The following SEMA6D variants were observed in gnomAD, a reference collection of about 807,000 sequenced individuals.
SEMA6D encodes semaphorin 6D.
A neutral mutation model predicts 106.6 loss-of-function variants in SEMA6D; 35 were observed. That is an observed-to-expected ratio of 0.33 (90% CI 0.25 to 0.44). The LOEUF is 0.44. Among genes scored for constraint, SEMA6D ranks in the 20% least tolerant of loss-of-function variants. The pLI is 1.00. For missense variants in SEMA6D, 1,185 were observed against 1,345.9 expected (o/e 0.88, Z 1.87); for synonymous variants, 499 against 487.7 (o/e 1.02, Z -0.31).
intron 2 of SEMA6D, among the ~76,000 whole-genome samples, chr15:47,415,208 T>TATACAACAA (rs2040923970): frequency 1.3e-5 from 2 of 152,194 alleles, no homozygotes; most frequent in East Asian, 3.9e-4. Context: ...CTTATTAAAT[T>TATACAACAA]ATGATAACAA....
intron 2 of SEMA6D, among the ~76,000 whole-genome samples, chr15:47,428,271 T>C (rs1158612233): frequency 1.3e-5 from 2 of 152,094 alleles, no homozygotes; most frequent in Non-Finnish European, 2.9e-5. Flanking sequence ...AAAAGAATAA[T>C]GAGTTTATGT....
intron 1 of SEMA6D, among the ~76,000 whole-genome samples, chr15:47,197,170 T>G (rs1894417582): frequency 6.6e-6 from 1 of 152,304 alleles, no homozygotes; most frequent in South Asian, 2.1e-4. Flanking sequence ...CAAGAACAGT[T>G]GTTCTTCCCT....
intron 3 of SEMA6D, among the ~76,000 whole-genome samples, chr15:47,592,549 G>A (rs963276209): frequency 4.6e-5 from 7 of 152,144 alleles, no homozygotes; most frequent in Admixed American, 3.9e-4. Flanking sequence ...TGATCATGGC[G>A]TGAGTTTCTG....
intron 4 of SEMA6D, among the ~76,000 whole-genome samples, chr15:47,683,412 A>G (rs548834159): frequency 6.6e-6 from 1 of 152,202 alleles, no homozygotes; most frequent in Non-Finnish European, 1.5e-5. Flanking sequence ...ATGTCTGCAC[A>G]TATTTTTATG....
At chr15:47,277,136 T>A (rs1214251520) in intron 1 of SEMA6D, among the ~76,000 whole-genome samples, 1 of 152,150 alleles carries the variant, frequency 6.6e-6, no homozygotes, top group African/African-American at 2.4e-5. Flanking sequence ...GAGTTGCTTC[T>A]TATGGGTGAG....
chr15:47,322,247 G>A (rs992571108), intron 1 of SEMA6D, among the ~76,000 whole-genome samples: 2 of 151,004 alleles, frequency 1.3e-5, no homozygotes, highest in African/African-American at 4.9e-5. Flanking sequence ...TACTATTAAC[G>A]AAACTTCATA....
chr15:47,496,688 C>T (rs529501986), intron 3 of SEMA6D, among the ~76,000 whole-genome samples: 11 of 152,014 alleles, frequency 7.2e-5, no homozygotes, highest in Middle Eastern at 3.4e-3. Context: ...TTCATTTTCC[C>T]GGTTTGTTAT....
At chr15:47,267,253 T>G (rs1283698090) in intron 1 of SEMA6D, among the ~76,000 whole-genome samples, 1 of 152,140 alleles carries the variant, frequency 6.6e-6, no homozygotes, top group Non-Finnish European at 1.5e-5. Flanking sequence ...TTTAAAACTT[T>G]GTAGATCTGT....
chr15:47,457,070 A>C (rs905536499), intron 2 of SEMA6D, among the ~76,000 whole-genome samples: 133 of 152,084 alleles, frequency 8.7e-4, no homozygotes, highest in African/African-American at 3.1e-3. Flanking sequence ...AGAGTGGAAA[A>C]ACTTTGCATT....
rs56185341 is a variant in SEMA6D at position 47,304,433 on chromosome 15, T to TAAAAAAAAAAAAAAAAAAAAAAAAAAA, written c.-238-107950_-238-107924dup. On this transcript the variant is annotated intron_variant, in intron 1 of 19. Transcript: ENST00000558014. ...TGCACTCCAGCCTGAGCCTTCTAAC[T>TAAAAAAAAAAAAAAAAAAAAAAAAAAA]AAAAAAAAAAAAAAAAAAAAAAAAA... Among the ~76,000 whole-genome samples, 2 of 93,870 alleles carry TAAAAAAAAAAAAAAAAAAAAAAAAAAA rather than the reference T, an allele frequency of 2.1e-5. 1 individual carries two copies. Among genetic ancestry groups the TAAAAAAAAAAAAAAAAAAAAAAAAAAA allele is most frequent in the African/African-American group, 1.2e-4 (2 of 16,328 alleles). 61.6% of individuals were successfully genotyped at this position (93,870 alleles called of 152,430 possible).
intron 2 of SEMA6D, among the ~76,000 whole-genome samples, chr15:47,452,328 A>C (rs2042218797): frequency 6.6e-6 from 1 of 151,938 alleles, no homozygotes; most frequent in Admixed American, 6.6e-5. Flanking sequence ...ACCAAAAAAA[A>C]AAAAAAACTG....
chr15:47,661,815 A>T (rs1186607524), intron 4 of SEMA6D, among the ~76,000 whole-genome samples: 5 of 152,198 alleles, frequency 3.3e-5, no homozygotes, highest in Admixed American at 1.3e-4. Flanking sequence ...AAGGAAGCAA[A>T]TGTTTTAAAA....
chr15:47,418,070 A>G (rs2041035389), intron 2 of SEMA6D, among the ~76,000 whole-genome samples: 1 of 152,114 alleles, frequency 6.6e-6, no homozygotes, highest in Non-Finnish European at 1.5e-5. Context: ...AAGAAAAAAG[A>G]GGAGATATGA....
chr15:47,635,362 G>A (rs552462118), intron 4 of SEMA6D, among the ~76,000 whole-genome samples: 2 of 152,252 alleles, frequency 1.3e-5, no homozygotes, highest in South Asian at 4.1e-4. Flanking sequence ...GTCTCTTAGG[G>A]TGTACTGGCA....
chr15:47,467,789 C>G (rs1567100442), intron 2 of SEMA6D, among the ~76,000 whole-genome samples: 1 of 152,096 alleles, frequency 6.6e-6, no homozygotes, highest in East Asian at 1.9e-4. Context: ...AAGACCTACA[C>G]CGGCAGCATC....
chr15:47,585,262 C>T (rs1204832949), intron 3 of SEMA6D, among the ~76,000 whole-genome samples: 2 of 152,178 alleles, frequency 1.3e-5, no homozygotes, highest in Non-Finnish European at 2.9e-5. Context: ...CTTTCCTAAG[C>T]ATTTTGCTTC....
At chr15:47,390,110 T>C (rs1736153798) in intron 1 of SEMA6D, among the ~76,000 whole-genome samples, 1 of 152,172 alleles carries the variant, frequency 6.6e-6, no homozygotes, top group South Asian at 2.1e-4. Flanking sequence ...TTTAATCTTA[T>C]TTAAGAATCT....
intron 2 of SEMA6D, among the ~76,000 whole-genome samples, chr15:47,470,141 C>T (rs985133628): frequency 6.6e-6 from 1 of 152,138 alleles, no homozygotes; most frequent in Non-Finnish European, 1.5e-5. Flanking sequence ...TTCCCATGAA[C>T]TAATTGTAAT....
At chr15:47,630,810 G>A (rs919685661) in intron 4 of SEMA6D, among the ~76,000 whole-genome samples, 2 of 151,652 alleles carry the variant, frequency 1.3e-5, no homozygotes, top group East Asian at 3.9e-4. Context: ...TCATACATTG[G>A]TATTAGACTT....
Sources: gnomAD v4.1 joint callset for allele counts (sites outside exome capture counted in the v4.1 genomes callset) on GRCh38, gnomAD v4.1.1 for gene constraint, MANE v1.5 for transcripts, NCBI Gene and HGNC (gene_info 2026-07-23, HGNC 2026-07-21) for gene names.